The following AK9 variants were observed in gnomAD, a reference collection of about 807,000 sequenced individuals.
AK9 encodes adenylate kinase 9.
In AK9, 191 loss-of-function variants were observed where a neutral mutation model predicts 239.6. The ratio of observed to expected loss-of-function variants is 0.80; its 90% CI spans 0.71 to 0.90. AK9 has a LOEUF of 0.90. AK9 is among the 40% of genes least tolerant of loss of function. AK9 has a pLI of 0.00. For missense variants in AK9, 1,995 were observed against 2,214.7 expected, an observed-to-expected ratio of 0.90 and a Z score of 1.99; for synonymous variants, 689 against 721.0, an observed-to-expected ratio of 0.96 and a Z score of 0.71.
chr6:109,496,215 T>C (rs181228800), intron 38 of AK9, among the ~76,000 whole-genome samples: 13 of 152,310 alleles, frequency 8.5e-5, no homozygotes, highest in African/African-American at 3.1e-4. Flanking sequence ...ACAGCAATAA[T>C]ACTTTCCAGC....
In AK9 at chr6:109,499,179, T is replaced by C. The variant is rs1777356278; in HGVS notation, c.4911A>G (p.Gly1637=). 6.3e-7 allele frequency: 1 copy of C among 1,594,166 alleles called. No homozygotes were observed. Among genetic ancestry groups the C allele is most frequent in the Admixed American group, 1.7e-5 (1 of 57,396 alleles). The change falls in exon 36 of 41, where the codon GGA becomes GGG. Residue 1637 remains glycine, a synonymous_variant. Transcript: ENST00000424296. ...ITPQELLSRL[G]EFEQFCPVSL... Reference sequence around the variant, plus strand: ...TGACAGGGCAGAACTGTTCAAATTCTCCCAGGCGAGAAAGCAGCTCTTGAG... The same window carrying C: ...TGACAGGGCAGAACTGTTCAAATTCCCCCAGGCGAGAAAGCAGCTCTTGAG...
intron 27 of AK9, among the ~76,000 whole-genome samples, chr6:109,535,948 G>C (rs1213461557): frequency 6.6e-6 from 1 of 152,102 alleles, no homozygotes; most frequent in Non-Finnish European, 1.5e-5. Context: ...GGGCTCTGTT[G>C]TGTTCCATTG....
intron 35 of AK9, among the ~76,000 whole-genome samples, chr6:109,503,050 A>G (rs1777753045): frequency 6.6e-6 from 1 of 152,186 alleles, no homozygotes; most frequent in East Asian, 1.9e-4. Context: ...TAACAAATAC[A>G]CTATTCTATC....
intron 17 of AK9, among the ~76,000 whole-genome samples, chr6:109,599,437 T>G (rs144545417): frequency 6.6e-6 from 1 of 152,186 alleles, no homozygotes; most frequent in Non-Finnish European, 1.5e-5. Flanking sequence ...GGTCTATGTA[T>G]CTGTTTGGGT....
rs201925080 is a variant in AK9 at position 109,580,903 on chromosome 6, G to GT, written c.2115-1278_2115-1277insA. ...CTTCATTGCGCTTTACAGATATCGT[G>GT]GTTTTTTTTTGTGTTTTTTTGTTTT... On this transcript the variant is annotated intron_variant, in intron 19 of 40. Coordinates refer to ENST00000424296, the MANE Select transcript of AK9 (RefSeq NM_001145128.3). Among the ~76,000 whole-genome samples the GT allele has an allele frequency of 6.3e-3, 898 of 142,388 alleles. 10 individuals are homozygous for GT. Among genetic ancestry groups the GT allele is most frequent in the African/African-American group, 0.021 (836 of 39,968 alleles). The allele number at this position is 142,388 out of a possible 152,430, so 93.4% of individuals were successfully genotyped here.
intron 38 of AK9, among the ~76,000 whole-genome samples, chr6:109,496,468 C>G (rs931548648): frequency 2.0e-5 from 3 of 152,214 alleles, no homozygotes; most frequent in Admixed American, 1.3e-4. Flanking sequence ...TTGACAAAAC[C>G]ATTCTTGGCA....
chr6:109,589,584 T>C (rs1309853887), intron 17 of AK9, among the ~76,000 whole-genome samples: 2 of 152,208 alleles, frequency 1.3e-5, no homozygotes, highest in African/African-American at 2.4e-5. Flanking sequence ...CTGATTGCTA[T>C]AGCTAGGATT....
intron 35 of AK9, among the ~76,000 whole-genome samples, chr6:109,503,238 G>T (rs1490738995): frequency 6.6e-6 from 1 of 151,806 alleles, no homozygotes; most frequent in Admixed American, 6.6e-5. Context: ...ATACTACATG[G>T]TGCTATAGTA....
intron 35 of AK9, among the ~76,000 whole-genome samples, chr6:109,503,738 C>A (rs1293583238): frequency 6.6e-6 from 1 of 152,188 alleles, no homozygotes; most frequent in Non-Finnish European, 1.5e-5. Flanking sequence ...GACATACCCA[C>A]CCTGCAGCTG....
intron 12 of AK9, among the ~76,000 whole-genome samples, chr6:109,621,069 A>C (rs1452624792): frequency 6.6e-6 from 1 of 150,980 alleles, no homozygotes; most frequent in African/African-American, 2.4e-5. Flanking sequence ...ACCCCATCAA[A>C]AAGTGGGTGA....
intron 17 of AK9, among the ~76,000 whole-genome samples, chr6:109,603,037 G>T (rs916089498): frequency 6.6e-6 from 1 of 152,182 alleles, no homozygotes; most frequent in East Asian, 1.9e-4. Flanking sequence ...TTAGCTCAGA[G>T]AAGTTTGATT....
rs1044595378 is a variant in AK9 at position 109,516,042 on chromosome 6, A to G, written c.3880T>C (p.Ser1294Pro). 1 of 1,550,314 alleles carries G rather than the reference A, an allele frequency of 6.5e-7. No homozygotes were observed. Among genetic ancestry groups the G allele is most frequent in the African/African-American group, 1.4e-5 (1 of 72,994 alleles). The change falls in exon 31 of 41, where the codon TCC becomes CCC. Residue 1294 changes from serine (S) to proline (P), a missense_variant. Around this residue, in one of 5 missense-constraint regions of AK9, gnomAD observed 1,290 missense variants for 1,392.7 expected, o/e 0.93. Coordinates refer to ENST00000424296, the MANE Select transcript of AK9 (RefSeq NM_001145128.3). Reference sequence around the variant, plus strand: ...TGATTTCTCCGAGCTCCATTAATGGAAATTATTGGTATCAAATACCTCTCA... The same window carrying G: ...TGATTTCTCCGAGCTCCATTAATGGGAATTATTGGTATCAAATACCTCTCA... ...ELERYLIPII[S>P]INGARRNHIV...
At chr6:109,515,036 A>C (rs1779133263) in intron 31 of AK9, among the ~76,000 whole-genome samples, 4 of 152,188 alleles carry the variant, frequency 2.6e-5, no homozygotes, top group Admixed American at 2.0e-4. Flanking sequence ...GGCCAACTGC[A>C]AGTTAAGGAG....
intron 17 of AK9, among the ~76,000 whole-genome samples, chr6:109,601,990 C>G (rs1303508797): frequency 6.6e-6 from 1 of 152,178 alleles, no homozygotes; most frequent in Non-Finnish European, 1.5e-5. Flanking sequence ...AGATGGGTCT[C>G]CTGAATACAG....
chr6:109,676,792 C>A (rs1158864112), intron 1 of AK9, among the ~76,000 whole-genome samples: 1 of 151,934 alleles, frequency 6.6e-6, no homozygotes. Context: ...CACACATGCA[C>A]ACATATGCTC....
chr6:109,591,757 T>C (rs1037539746), intron 17 of AK9, among the ~76,000 whole-genome samples: 2 of 152,158 alleles, frequency 1.3e-5, no homozygotes, highest in African/African-American at 4.8e-5. Flanking sequence ...TCCCTTATTG[T>C]TCGCTTGCCT....
chr6:109,662,370 T>A (rs1800547095), intron 6 of AK9, among the ~76,000 whole-genome samples, 181 bp downstream of exon 6: 1 of 152,174 alleles, frequency 6.6e-6, no homozygotes, highest in African/African-American at 2.4e-5. Flanking sequence ...AGAAGGTATC[T>A]CATGTGGATG....
At chr6:109,535,404 C>T (rs1781848933) in intron 27 of AK9, among the ~76,000 whole-genome samples, 2 of 152,134 alleles carry the variant, frequency 1.3e-5, no homozygotes, top group Non-Finnish European at 1.5e-5. Flanking sequence ...TAAATGTCTT[C>T]GTTTGAGAAG....
intron 12 of AK9, among the ~76,000 whole-genome samples, chr6:109,622,608 GTA>G (rs2128252947): frequency 6.9e-6 from 1 of 145,796 alleles, no homozygotes; most frequent in South Asian, 2.1e-4. Context: ...GTATATATGT[GTA>G]TTATAGACAT....
Sources: gnomAD v4.1 joint callset for allele counts (sites outside exome capture counted in the v4.1 genomes callset) on GRCh38, gnomAD v4.1.1 for gene constraint, gnomAD v4.1.1 regional missense constraint, MANE v1.5 for transcripts, NCBI Gene and HGNC (gene_info 2026-07-23, HGNC 2026-07-21) for gene names.